DNAH12: variants seen among roughly 807,000 people sequenced by gnomAD.
DNAH12 encodes axonemal beta dynein heavy chain 12.
A neutral mutation model predicts 371.5 loss-of-function variants in DNAH12; 285 were observed. That is an observed-to-expected ratio of 0.77 (90% CI 0.70 to 0.85). The LOEUF (loss-of-function observed/expected upper bound fraction) is 0.85, where lower values mean the gene tolerates loss of function less well. Ranked by LOEUF, DNAH12 falls within the 40% of genes least tolerant of loss-of-function variation. The pLI is 0.00. For synonymous variants in DNAH12, 1,200 were observed against 1,213.0 expected, an observed-to-expected ratio of 0.99 and a Z score of 0.22; for missense variants, 3,611 against 3,689.4, an observed-to-expected ratio of 0.98 and a Z score of 0.55.
At chr3:57,421,737 C>G in intron 35 of DNAH12, 31 bp from the exon 36 acceptor site, 1 of 1,550,536 alleles carries the variant, frequency 6.4e-7, no homozygotes, top group Non-Finnish European at 8.7e-7. Flanking sequence ...TAACTTATAG[C>G]AATTATTTTA....
chr3:57,366,154 C>T (rs1479008011), intron 57 of DNAH12, among the ~76,000 whole-genome samples: 1 of 152,126 alleles, frequency 6.6e-6, no homozygotes, highest in African/African-American at 2.4e-5. Flanking sequence ...CTGGCTAAAT[C>T]CCACCAATAC....
intron 38 of DNAH12, among the ~76,000 whole-genome samples, chr3:57,414,539 C>T (rs930352368): frequency 6.6e-6 from 1 of 152,126 alleles, no homozygotes; most frequent in African/African-American, 2.4e-5. Context: ...CACCCTCCTC[C>T]CCCGCTCCAC....
chr3:57,467,645 C>G (rs1288177675), intron 17 of DNAH12, among the ~76,000 whole-genome samples: 1 of 152,050 alleles, frequency 6.6e-6, no homozygotes, highest in African/African-American at 2.4e-5. Flanking sequence ...GTATACTCTT[C>G]CTATGTTTTC....
chr3:57,306,264 C>G (rs1315580950), intron 69 of DNAH12, among the ~76,000 whole-genome samples: 2 of 152,170 alleles, frequency 1.3e-5, no homozygotes, highest in Non-Finnish European at 2.9e-5. Context: ...AATACAGAGG[C>G]TACCCACTTC....
chr3:57,423,378 C>G (rs2064654969), intron 35 of DNAH12, among the ~76,000 whole-genome samples: 1 of 152,082 alleles, frequency 6.6e-6, no homozygotes, highest in Non-Finnish European at 1.5e-5. Context: ...AAAGGCGGTT[C>G]CAAACCTAGG....
At chr3:57,450,420 T>C (rs2065725228) in intron 25 of DNAH12, among the ~76,000 whole-genome samples, 1 of 151,532 alleles carries the variant, frequency 6.6e-6, no homozygotes, top group South Asian at 2.1e-4. Flanking sequence ...TGGTGGCACA[T>C]GCCTGTAATC....
chr3:57,411,120 C>CA (rs1270614211), intron 39 of DNAH12, among the ~76,000 whole-genome samples: 3 of 152,088 alleles, frequency 2.0e-5, no homozygotes, highest in Non-Finnish European at 4.4e-5. Flanking sequence ...CAAAGAACTA[C>CA]AAAAAACTCC....
intron 58 of DNAH12, among the ~76,000 whole-genome samples, chr3:57,360,397 T>C (rs2062899015): frequency 1.3e-5 from 2 of 152,112 alleles, no homozygotes; most frequent in Admixed American, 6.6e-5. Flanking sequence ...CTTTAGAAAG[T>C]CCTCTGTCCA....
intron 30 of DNAH12, 105 bp from the exon 31 acceptor site, chr3:57,433,933 T>C: frequency 9.8e-7 from 1 of 1,023,746 alleles, no homozygotes; most frequent in South Asian, 3.6e-5. Context: ...CTTATAATTT[T>C]TGAAATCATA....
At chr3:57,555,105 G>A in the DNAH12 span, among the ~76,000 whole-genome samples, 1 of 151,932 alleles carries the variant, frequency 6.6e-6, no homozygotes, top group African/African-American at 2.4e-5. Context: ...TTAGCTGGGC[G>A]TGGTGGTGTG....
At chr3:57,325,510 G>A (rs963198228) in intron 62 of DNAH12, among the ~76,000 whole-genome samples, 1 of 152,178 alleles carries the variant, frequency 6.6e-6, no homozygotes, top group African/African-American at 2.4e-5. Context: ...GCAGCTGAGG[G>A]TCCTGTCTGT....
At chr3:57,302,529 G>GTTCATATATATATATATATATA (rs879293648) in intron 69 of DNAH12, among the ~76,000 whole-genome samples, 3 of 47,856 alleles carry the variant, frequency 6.3e-5, no homozygotes, top group African/African-American at 2.5e-4. Flanking sequence ...GGCATCAGGT[G>GTTCATATATATATATATATATA]TATATATATA....
intron 67 of DNAH12, 86 bp from the exon 68 acceptor site, chr3:57,309,940 C>T (rs2061553489): frequency 8.4e-6 from 10 of 1,192,902 alleles, no homozygotes; most frequent in Non-Finnish European, 1.1e-5. Flanking sequence ...AAATATGCTA[C>T]TTTGGCATAG....
At chr3:57,388,436 A>G (rs904391174) in intron 45 of DNAH12, among the ~76,000 whole-genome samples, 2 of 152,030 alleles carry the variant, frequency 1.3e-5, no homozygotes, top group African/African-American at 4.8e-5. Context: ...TTTGTGGCAG[A>G]CAATATGCAT....
At chr3:57,437,899 C>G (rs2065178681) in intron 29 of DNAH12, among the ~76,000 whole-genome samples, 1 of 152,224 alleles carries the variant, frequency 6.6e-6, no homozygotes, top group South Asian at 2.1e-4. Context: ...AAGTAAACTA[C>G]AGCTCAGTAA....
At chr3:57,391,814 T>C (rs2063629009) in intron 45 of DNAH12, 58 bp downstream of exon 45, 1 of 152,236 alleles carries the variant, frequency 6.6e-6, no homozygotes, top group African/African-American at 2.4e-5. Flanking sequence ...TTCAAATATT[T>C]CAGTAAAATT....
chr3:57,477,717 G>A (rs2066587207), intron 13 of DNAH12, among the ~76,000 whole-genome samples: 1 of 152,142 alleles, frequency 6.6e-6, no homozygotes, highest in African/African-American at 2.4e-5. Context: ...GTACTCTTCT[G>A]AGACAAAACT....
Position 57,469,378 on chromosome 3 carries a change from T to C in DNAH12, c.2106-399A>G, listed in dbSNP as rs576732049. On this transcript the variant is annotated intron_variant, in intron 16 of 73. Coordinates refer to ENST00000495027, the MANE Select transcript of DNAH12 (RefSeq NM_001366028.2). ...GAATGCTTATACACTGTTGCACTAT[T>C]GATGGGACTGTAAATTAGCTGAGCC... Among the ~76,000 whole-genome samples the C allele has an allele frequency of 3.3e-5, 5 of 152,338 alleles. No homozygotes were observed. In the South Asian group the frequency reaches 1.0e-3, roughly 32 times the overall value.
chr3:57,424,836 A>C (rs2153363130), intron 35 of DNAH12, among the ~76,000 whole-genome samples, 186 bp downstream of exon 35: 1 of 151,808 alleles, frequency 6.6e-6, no homozygotes, highest in South Asian at 2.1e-4. Context: ...TGACATTTTA[A>C]TTTCTTTAAA....
Sources: gnomAD v4.1 joint callset for allele counts (sites outside exome capture counted in the v4.1 genomes callset) on GRCh38, gnomAD v4.1.1 for gene constraint, MANE v1.5 for transcripts, NCBI Gene and HGNC (gene_info 2026-07-23, HGNC 2026-07-21) for gene names.